The following ELL2 variants were observed in gnomAD, a reference collection of about 807,000 sequenced individuals.
The protein encoded by ELL2 is elongation factor for RNA polymerase II 2.
Under a neutral mutation model 72.8 loss-of-function variants are expected in ELL2, and 21 were observed. The ratio of observed to expected loss-of-function variants is 0.29; its 90% confidence interval spans 0.20 to 0.42. The LOEUF is 0.42. Ranked by LOEUF, ELL2 falls within the 10% of genes least tolerant of loss-of-function variation. The probability of loss-of-function intolerance (pLI) is 1.00; values close to 1 mark genes in which losing one functional copy is unlikely to be tolerated. For missense variants in ELL2, 568 were observed against 772.8 expected (o/e 0.73, Z 3.14); for synonymous variants, 266 against 283.2 (o/e 0.94, Z 0.61).
intron 9 of ELL2, among the ~76,000 whole-genome samples, chr5:95,892,155 T>C (rs1748689037): frequency 6.6e-6 from 1 of 152,060 alleles, no homozygotes; most frequent in Non-Finnish European, 1.5e-5. Context: ...ATTACTTTTT[T>C]TTTTTTTTTG....
chr5:95,899,049 T>C (rs1288332173), intron 7 of ELL2, among the ~76,000 whole-genome samples: 1 of 152,218 alleles, frequency 6.6e-6, no homozygotes, highest in African/African-American at 2.4e-5. Context: ...TCATGTTTAA[T>C]GTCAAAAAGC....
At chr5:95,957,852 C>T (rs2112364084) in intron 1 of ELL2, among the ~76,000 whole-genome samples, 1 of 152,294 alleles carries the variant, frequency 6.6e-6, no homozygotes, top group South Asian at 2.1e-4. Flanking sequence ...TGCTCAATTA[C>T]ATCTAAAGAA....
intron 4 of ELL2, among the ~76,000 whole-genome samples, chr5:95,912,941 T>C (rs752737358): frequency 1.3e-5 from 2 of 152,230 alleles, no homozygotes; most frequent in Non-Finnish European, 2.9e-5. Context: ...TCCAAATTAA[T>C]ATCCTTTCAT....
chr5:95,932,659 C>T (rs775941447), intron 2 of ELL2: 2 of 152,010 alleles, frequency 1.3e-5, no homozygotes, highest in South Asian at 2.1e-4. Flanking sequence ...AAAAGAGATC[C>T]ATACCGCTAG....
At chr5:95,926,683 G>A (rs1047487095) in intron 2 of ELL2, among the ~76,000 whole-genome samples, 1 of 152,128 alleles carries the variant, frequency 6.6e-6, no homozygotes, top group African/African-American at 2.4e-5. Flanking sequence ...GCCTAATACT[G>A]AGATTTCCTA....
At chr5:95,924,417 G>A (rs1750212859) in intron 2 of ELL2, among the ~76,000 whole-genome samples, 1 of 152,132 alleles carries the variant, frequency 6.6e-6, no homozygotes. Context: ...AACAATATTG[G>A]AAGACCATTC....
chr5:95,896,206 G>GT (rs1186257421), intron 8 of ELL2, among the ~76,000 whole-genome samples: 3 of 152,038 alleles, frequency 2.0e-5, no homozygotes, highest in African/African-American at 7.2e-5. Context: ...TTGGTTTAAA[G>GT]TAATTTAAAA....
At chr5:95,928,741 C>A (rs1283206399) in intron 2 of ELL2, among the ~76,000 whole-genome samples, 1 of 152,316 alleles carries the variant, frequency 6.6e-6, no homozygotes, top group East Asian at 1.9e-4. Context: ...ATCATCTAAT[C>A]ATTCAGCTGC....
At chr5:95,935,970 G>T (rs145832051) in intron 2 of ELL2, among the ~76,000 whole-genome samples, 1 of 152,188 alleles carries the variant, frequency 6.6e-6, no homozygotes, top group African/African-American at 2.4e-5. Context: ...CTCCTACCAT[G>T]TTTGGTAAGC....
intron 2 of ELL2, among the ~76,000 whole-genome samples, chr5:95,931,329 G>A (rs1004234818): frequency 2.6e-5 from 4 of 152,108 alleles, no homozygotes; most frequent in East Asian, 3.9e-4. Context: ...CACAAGGCCC[G>A]GTACACAGTA....
At chr5:95,906,821 G>A (rs748134598) in intron 4 of ELL2, 39 bp from the exon 5 acceptor site, 1 of 1,554,080 alleles carries the variant, frequency 6.4e-7, no homozygotes, top group South Asian at 1.2e-5. Context: ...CACATTTGTG[G>A]GTTACAATAT....
intron 2 of ELL2, among the ~76,000 whole-genome samples, chr5:95,922,019 C>A (rs1257990287): frequency 6.6e-6 from 1 of 152,154 alleles, no homozygotes; most frequent in African/African-American, 2.4e-5. Context: ...AGCAGTACTT[C>A]CATACCTATC....
chr5:95,961,538 G>T (rs1413252417), intron 1 of ELL2, 37 bp downstream of exon 1: 1 of 1,526,480 alleles, frequency 6.6e-7, no homozygotes, highest in South Asian at 1.2e-5. Context: ...GGTGCGCTCT[G>T]CCTCTCTGAG....
chr5:95,936,338 T>A (rs1750772014), intron 2 of ELL2, among the ~76,000 whole-genome samples: 1 of 152,202 alleles, frequency 6.6e-6, no homozygotes, highest in South Asian at 2.1e-4. Context: ...ATATGTATAG[T>A]CTCCAAACAT....
chr5:95,936,572 C>T (rs1006975113), intron 2 of ELL2, among the ~76,000 whole-genome samples: 21 of 152,108 alleles, frequency 1.4e-4, no homozygotes, highest in South Asian at 8.3e-4. Flanking sequence ...CGCTTGAGTC[C>T]GGGAGTTGGA....
At chr5:95,933,224 G>A (rs144052550) in intron 2 of ELL2, among the ~76,000 whole-genome samples, 194 of 152,290 alleles carry the variant, frequency 1.3e-3, no homozygotes, top group African/African-American at 4.6e-3. Flanking sequence ...ATTCAGATGG[G>A]ATAAATGATT....
chr5:95,959,685 C>T (rs1055044337), intron 1 of ELL2, among the ~76,000 whole-genome samples: 3 of 152,130 alleles, frequency 2.0e-5, no homozygotes, highest in African/African-American at 7.2e-5. Flanking sequence ...GATTTTCTCT[C>T]GAGATTTCAC....
At chr5:95,920,743 T>C (rs1750036348) in intron 2 of ELL2, among the ~76,000 whole-genome samples, 1 of 152,090 alleles carries the variant, frequency 6.6e-6, no homozygotes, top group Non-Finnish European at 1.5e-5. Flanking sequence ...GTCTGCATGG[T>C]GTTAGGTGAT....
chr5:95,951,109 C>T (rs923038672), intron 1 of ELL2, among the ~76,000 whole-genome samples: 3 of 151,666 alleles, frequency 2.0e-5, no homozygotes, highest in Non-Finnish European at 2.9e-5. Context: ...GTGGCTCACA[C>T]CTGTAATCCC....
Sources: gnomAD v4.1 joint callset for allele counts (sites outside exome capture counted in the v4.1 genomes callset) on GRCh38, gnomAD v4.1.1 for gene constraint, MANE v1.5 for transcripts, NCBI Gene and HGNC (gene_info 2026-07-23, HGNC 2026-07-21) for gene names.